The following CD2BP2 variants were observed in gnomAD, a reference collection of about 807,000 sequenced individuals.
CD2BP2 encodes the protein CD2 cytoplasmic tail binding protein 2, also known as CD2 antigen cytoplasmic tail-binding protein 2.
In CD2BP2, 27 loss-of-function variants were observed where a neutral mutation model predicts 35.9. The ratio of observed to expected loss-of-function variants is 0.75; its 90% CI spans 0.55 to 1.04. CD2BP2 has a LOEUF of 1.04. CD2BP2 is among the 50% of genes least tolerant of loss of function. The pLI, the probability that CD2BP2 is intolerant of heterozygous loss-of-function variation, is 0.00. For missense variants in CD2BP2, 497 were observed against 444.3 expected, an observed-to-expected ratio of 1.12 and a Z score of -1.07; for synonymous variants, 213 against 173.5, an observed-to-expected ratio of 1.23 and a Z score of -1.79.
Position 30,351,141 on chromosome 16 carries a change from C to T in CD2BP2, c.*1844G>A, listed in dbSNP as rs897576056. On this transcript the variant is annotated 3_prime_UTR_variant, in exon 7 of 7. Transcript: ENST00000305596. Reference sequence around the variant, plus strand: ...CACGCAAGGTAACACTTTCCCACGTCCTGGGGTTCCAAACCTGGACATCTC... The same window carrying T: ...CACGCAAGGTAACACTTTCCCACGTTCTGGGGTTCCAAACCTGGACATCTC... The T allele has an allele frequency of 3.9e-5, 6 of 152,708 alleles. No homozygotes were observed. The highest frequency in any genetic ancestry group is 7.3e-5 in the Non-Finnish European group (5 of 68,074). The allele number at this position is 152,708 out of a possible 1,614,324, so 9.5% of individuals were successfully genotyped here. A position where few individuals can be genotyped will look rare whatever the true frequency, so the allele number is the denominator to read the frequency against.
In CD2BP2 at chr16:30,353,065, C is replaced by A; in HGVS notation, c.946G>T (p.Gly316Cys). The A allele has an allele frequency of 6.2e-7, 1 of 1,613,972 alleles. No individual in the cohort carries two copies. The highest frequency in any genetic ancestry group is 1.7e-5 in the Admixed American group (1 of 59,990). Residue 316 changes from glycine to cysteine, a missense_variant, in exon 7 of 7, where the codon GGT becomes TGT. Physicochemically the swap from Gly to Cys is radical, Grantham distance 159. Coordinates refer to ENST00000305596, the MANE Select transcript of CD2BP2 (RefSeq NM_006110.3). ...TWVSEGYFPDGVYCRKLDPPG... is the reference protein window; with the variant it reads ...TWVSEGYFPDCVYCRKLDPPG... ...GGGTCCAGCTTCCGGCAATAAACAC[C>A]GTCCGGGAAGTAGCCTTCACTCACC...
intron 2 of CD2BP2, 79 bp from the exon 3 acceptor site, chr16:30,354,401 ATTCCCCAAATATTTCAGGATCTCGACTAC>A (rs1441107681): frequency 3.3e-6 from 5 of 1,511,390 alleles, no homozygotes; most frequent in Non-Finnish European, 1.8e-6. Context: ...GGACCCAAAT[ATTCCCCAAATATTTCAGGATCTCGACTAC>A]TTCCCCAAAT....
At position 30,354,064 on chromosome 16, in the gene CD2BP2, C is replaced by A; in HGVS notation, c.218-6G>T. 1 of 1,613,976 alleles carries A rather than the reference C, an allele frequency of 6.2e-7. No individual in the cohort carries two copies. The highest frequency in any genetic ancestry group is 8.5e-7 in the Non-Finnish European group (1 of 1,179,926). ...GAGTGTGGCTGCCTCCTGACCTGCA[C>A]CAAAGACACAGGTGCCCTTTTCCAG... On this transcript the variant is annotated splice_region_variant and splice_polypyrimidine_tract_variant and intron_variant, in intron 3 of 6. Coordinates refer to ENST00000305596, the MANE Select transcript of CD2BP2 (RefSeq NM_006110.3).
rs2049476727 is a variant in CD2BP2 at position 30,350,909 on chromosome 16, G to C, written c.*2076C>G. Reference sequence around the variant, plus strand: ...GGGGCAGAATCCAATGCCTTTTCCAGCTCCTCCAGGGGCCACCTCATCGCC... The same window carrying C: ...GGGGCAGAATCCAATGCCTTTTCCACCTCCTCCAGGGGCCACCTCATCGCC... On this transcript the variant is annotated 3_prime_UTR_variant, in exon 7 of 7. Coordinates refer to ENST00000305596, the MANE Select transcript of CD2BP2 (RefSeq NM_006110.3). 1 of 152,642 alleles carries C rather than the reference G, an allele frequency of 6.6e-6. No individual in the cohort carries two copies. The highest frequency in any genetic ancestry group is 1.5e-5 in the Non-Finnish European group (1 of 68,074). 9.5% of individuals were successfully genotyped at this position (152,642 alleles called of 1,614,324 possible).
rs1400118917 is a variant in CD2BP2, at chr16:30,353,172, G to A, written c.915+9C>T. 1.4e-5 allele frequency: 22 copies of A among 1,611,860 alleles called. No homozygotes were observed. The highest frequency in any genetic ancestry group is 1.9e-5 in the Non-Finnish European group (22 of 1,178,036). On this transcript the variant is annotated intron_variant, in intron 6 of 6. Transcript: ENST00000305596. ...GGGACAAGGCAGGAGGAGGGAGAAA[G>A]CAGCTCACCTGCATCTGGGCGCTGG... is the stretch of plus-strand genomic sequence containing the variant.
chr16:30,352,754 A>C lies in CD2BP2; in HGVS notation c.*231T>G. 1 of 561,702 alleles carries C rather than the reference A, an allele frequency of 1.8e-6. No homozygotes were observed. 34.8% of individuals were successfully genotyped at this position (561,702 alleles called of 1,614,324 possible). A position where few individuals can be genotyped will look rare whatever the true frequency, so the allele number is the denominator to read the frequency against. ...TACCTGACAGGCACCTCCAAGAAGG[A>C]TCTTCATGGGAGTACTCAGGGACCA... On this transcript the variant is annotated 3_prime_UTR_variant, in exon 7 of 7. Coordinates refer to ENST00000305596, the MANE Select transcript of CD2BP2 (RefSeq NM_006110.3).
At chr16:30,355,051 G>C in intron 1 of CD2BP2, 161 bp downstream of exon 1, 1 of 268,248 alleles carries the variant, frequency 3.7e-6, no homozygotes, top group Non-Finnish European at 7.4e-6. Flanking sequence ...GGCTCTCTCG[G>C]AGCTCGCCGG....
rs747507505 is a variant in CD2BP2 at position 30,353,496 on chromosome 16, A to AT, written c.679dup (p.Met227AsnfsTer27). 6.2e-7 allele frequency: 1 copy of AT among 1,614,154 alleles called. No individual in the cohort carries two copies. The highest frequency in any genetic ancestry group is 2.2e-5 in the East Asian group (1 of 44,878). On this transcript the variant is annotated frameshift_variant, in exon 5 of 7. Transcript: ENST00000305596. LOFTEE classifies it high-confidence loss of function. Reference sequence around the variant, plus strand: ...CTGACACCCCAAACCCTTCAGACGCATAGCCAACCGTTCCCTTGTTTCCTG... The same window carrying AT: ...CTGACACCCCAAACCCTTCAGACGCATTAGCCAACCGTTCCCTTGTTTCCTG...
rs1274341537 is a variant in CD2BP2, at chr16:30,352,890, A to G, written c.*95T>C. The G allele has an allele frequency of 3.8e-6, 3 of 792,860 alleles. No individual in the cohort carries two copies. Among genetic ancestry groups the G allele is most frequent in the Non-Finnish European group, 6.6e-6 (3 of 455,592 alleles). The allele number at this position is 792,860 out of a possible 1,614,324, so 49.1% of individuals were successfully genotyped here. A position where few individuals can be genotyped will look rare whatever the true frequency, so the allele number is the denominator to read the frequency against. On this transcript the variant is annotated 3_prime_UTR_variant, in exon 7 of 7. Coordinates refer to ENST00000305596, the MANE Select transcript of CD2BP2 (RefSeq NM_006110.3). Reference sequence around the variant, plus strand: ...TATTGGGAAAGGGAAATTGACTGAAAAATGGCCTCCAATTTCCTCGCTGCC... The same window carrying G: ...TATTGGGAAAGGGAAATTGACTGAAGAATGGCCTCCAATTTCCTCGCTGCC...
At position 30,353,788 on chromosome 16, in the gene CD2BP2, C is replaced by T; in HGVS notation, c.388G>A (p.Glu130Lys). 3.1e-6 allele frequency: 5 copies of T among 1,602,858 alleles called. No individual in the cohort carries two copies. The highest frequency in any genetic ancestry group is 3.4e-6 in the Non-Finnish European group (4 of 1,174,842). ...GCCTGGCGCTGGCCAGGTGGCCGCT[C>T]CCGGATCTTCACCTGTAATGGGAAG... ...LDNIDWVKIR[E>K]RPPGQRQASD... Residue 130 changes from glutamate (E) to lysine (K), a missense_variant, in exon 5 of 7, where the codon GAG (glutamate) becomes AAG (lysine). By Grantham distance (56) the Glu-to-Lys change is moderately conservative (BLOSUM62 1). Transcript: ENST00000305596.
In CD2BP2 at chr16:30,354,687, G is replaced by A. The variant is rs371622721; in HGVS notation, c.-6C>T. 13 of 1,613,744 alleles carry A rather than the reference G, an allele frequency of 8.1e-6. No homozygotes were observed. The African/African-American group carries it at 9.3e-5, about 12-fold the overall frequency. ...GTCACTTTCCTCTTTGGCATGACGG[G>A]GCAAAGAGGTGTTTCTCAAGCTGAG... On this transcript the variant is annotated 5_prime_UTR_variant, in exon 2 of 7. Coordinates refer to ENST00000305596, the MANE Select transcript of CD2BP2 (RefSeq NM_006110.3).
rs755942758 is a variant in CD2BP2, at chr16:30,354,252, T to G, written c.149A>C (p.Asp50Ala). The change falls in exon 3 of 7, where the codon GAT becomes GCT. Residue 50 changes from aspartate (D) to alanine (A), a missense_variant. Transcript: ENST00000305596. Reference sequence around the variant, plus strand: ...CCCATCATCATCATCCTCCTCCTCATCGCTATCCAAAGAGTGTTTGCCTTT... The same window carrying G: ...CCCATCATCATCATCCTCCTCCTCAGCGCTATCCAAAGAGTGTTTGCCTTT... ...RFKGKHSLDS[D>A]EEEDDDDGGS... 2.5e-6 allele frequency: 4 copies of G among 1,613,978 alleles called. No homozygotes were observed. The highest frequency in any genetic ancestry group is 3.4e-6 in the Non-Finnish European group (4 of 1,179,982).
Position 30,354,591 on chromosome 16 carries a change from C to A in CD2BP2, c.78+13G>T. 1 of 1,612,500 alleles carries A rather than the reference C, an allele frequency of 6.2e-7. No homozygotes were observed. Among genetic ancestry groups the A allele is most frequent in the East Asian group, 2.2e-5 (1 of 44,862 alleles). ...TCCTCTTTCCCCCACACAAAGCAGT[C>A]TGGCCCCCTCACCTTCTTCTTGGGG... On this transcript the variant is annotated intron_variant, in intron 2 of 6. Transcript: ENST00000305596.
intron 2 of CD2BP2, 86 bp downstream of exon 2, chr16:30,354,518 C>T: frequency 6.8e-7 from 1 of 1,480,690 alleles, no homozygotes; most frequent in Non-Finnish European, 9.4e-7. Context: ...CTCTGCCTGC[C>T]CGCCCCGCCC....
At chr16:30,353,841 G>C (rs200913191) in intron 4 of CD2BP2, 41 bp from the exon 5 acceptor site, 10 of 1,606,730 alleles carry the variant, frequency 6.2e-6, no homozygotes, top group Non-Finnish European at 8.5e-6. Flanking sequence ...CAACTGCCAC[G>C]GGAGCAGGCC....
rs768245225 is a variant in CD2BP2, at chr16:30,353,440, G to A, written c.736C>T (p.Pro246Ser). 9 of 1,614,022 alleles carry A rather than the reference G, an allele frequency of 5.6e-6. No homozygotes were observed. The African/African-American group carries it at 6.7e-5, about 12-fold the overall frequency. ...TLGPHNPTPP[P>S]SLDMFAEELA... Reference sequence around the variant, plus strand: ...TCCTCAGCGAACATGTCCAGGGAGGGTGGGGGTGTGGGATTGTGGGGTCCT... The same window carrying A: ...TCCTCAGCGAACATGTCCAGGGAGGATGGGGGTGTGGGATTGTGGGGTCCT... Residue 246 changes from proline to serine, a missense_variant, in exon 5 of 7, where the codon CCC (proline) becomes TCC (serine). By Grantham distance (74) the Pro-to-Ser change is moderately conservative. Coordinates refer to ENST00000305596, the MANE Select transcript of CD2BP2 (RefSeq NM_006110.3).
Position 30,353,749 on chromosome 16 carries a change from C to T in CD2BP2, c.427G>A (p.Glu143Lys), listed in dbSNP as rs2049506711. Reference sequence around the variant, plus strand: ...GAGGTCTGGCCCAAGCTGTCCTCCTCCTCCGAGTCTGAGGCCTGGCGCTGG... The same window carrying T: ...GAGGTCTGGCCCAAGCTGTCCTCCTTCTCCGAGTCTGAGGCCTGGCGCTGG... Reference protein sequence around the residue: ...PGQRQASDSEEEDSLGQTSMS... With the variant: ...PGQRQASDSEKEDSLGQTSMS... The change falls in exon 5 of 7, where the codon GAG becomes AAG. Residue 143 changes from glutamate to lysine, a missense_variant. By Grantham distance (56) the Glu-to-Lys change is moderately conservative. Transcript: ENST00000305596. 5 of 1,608,206 alleles carry T rather than the reference C, an allele frequency of 3.1e-6. No individual in the cohort carries two copies. The highest frequency in any genetic ancestry group is 2.2e-5 in the South Asian group (2 of 91,040).
rs1005100821 is a variant in CD2BP2, at chr16:30,353,513, T to C, written c.663A>G (p.Thr221=). ...ARGNLGVYQE[T]RERLAMRLKG... is the part of the protein sequence containing the mutation. ...TCAGACGCATAGCCAACCGTTCCCT[T>C]GTTTCCTGGTACACACCAAGGTTGC... is the stretch of plus-strand genomic sequence containing the variant. Residue 221 remains threonine (T), a synonymous_variant, in exon 5 of 7, where the codon ACA becomes ACG. Transcript: ENST00000305596. The C allele has an allele frequency of 1.9e-6, 3 of 1,614,166 alleles. No homozygotes were observed. Among genetic ancestry groups the C allele is most frequent in the Non-Finnish European group, 1.7e-6 (2 of 1,180,008 alleles).
In CD2BP2 at chr16:30,354,669, T is replaced by C. The variant is rs2049519605; in HGVS notation, c.13A>G (p.Lys5Glu). The part of the protein sequence containing the change: MPKR[K>E]VTFQGVGDEE... The stretch of plus-strand genomic sequence containing the variant: ...TCTCCCACGCCTTGGAAGGTCACTT[T>C]CCTCTTTGGCATGACGGGGCAAAGA... The change falls in exon 2 of 7, where the codon AAA (lysine) becomes GAA (glutamate). Residue 5 changes from lysine (K) to glutamate (E), a missense_variant. By Grantham distance (56) the Lys-to-Glu change is moderately conservative. Transcript: ENST00000305596. 1.2e-6 allele frequency: 2 copies of C among 1,613,910 alleles called. No individual in the cohort carries two copies. The highest frequency in any genetic ancestry group is 1.7e-6 in the Non-Finnish European group (2 of 1,179,982).
Sources: allele counts gnomAD v4.1 joint callset, GRCh38; gene constraint gnomAD v4.1.1; transcripts MANE v1.5; gene names NCBI Gene and HGNC (gene_info 2026-07-23, HGNC 2026-07-21).